The following HMGCLL1 variants were observed in gnomAD, a reference collection of about 807,000 sequenced individuals.
HMGCLL1 encodes 3-hydroxymethyl-3-methylglutaryl-CoA lyase, cytoplasmic.
Under a neutral mutation model 39.1 loss-of-function variants are expected in HMGCLL1, and 36 were observed. That is an observed-to-expected ratio of 0.92 (90% confidence interval 0.71 to 1.22). The LOEUF (loss-of-function observed/expected upper bound fraction) is 1.22. Among genes scored for constraint, HMGCLL1 ranks in the 50% most tolerant of loss-of-function variants. HMGCLL1 has a pLI of 0.00. For missense variants in HMGCLL1, 451 were observed against 416.5 expected, an observed-to-expected ratio of 1.08 and a Z score of -0.72; for synonymous variants, 149 against 144.0, an observed-to-expected ratio of 1.03 and a Z score of -0.25.
chr6:55,511,820 C>G (rs967516488), intron 5 of HMGCLL1, among the ~76,000 whole-genome samples: 1 of 152,034 alleles, frequency 6.6e-6, no homozygotes, highest in Non-Finnish European at 1.5e-5. Flanking sequence ...CTGCTGAACT[C>G]TAATACTGAA....
At chr6:55,449,037 C>T (rs1210214775) in intron 7 of HMGCLL1, among the ~76,000 whole-genome samples, 1 of 152,066 alleles carries the variant, frequency 6.6e-6, no homozygotes, top group African/African-American at 2.4e-5. Flanking sequence ...AAAGGTAGCA[C>T]CTAAAAAGGA....
the HMGCLL1 span, among the ~76,000 whole-genome samples, chr6:55,674,259 C>A: frequency 6.6e-6 from 1 of 151,784 alleles, no homozygotes; most frequent in Admixed American, 6.6e-5. Context: ...TTTTATGACT[C>A]ATTCTGGCCT....
chr6:55,650,128 TATATATACAC>T, the HMGCLL1 span, among the ~76,000 whole-genome samples: 6 of 53,700 alleles, frequency 1.1e-4, no homozygotes, highest in Admixed American at 2.2e-4. Flanking sequence ...TATATATATA[TATATATACAC>T]ACACACACAC....
chr6:55,575,452 T>C (rs1581968526), intron 1 of HMGCLL1, among the ~76,000 whole-genome samples: 3 of 152,298 alleles, frequency 2.0e-5, no homozygotes, highest in Middle Eastern at 3.4e-3. Flanking sequence ...ATCTCTAATA[T>C]GTAAGCTGAA....
chr6:55,659,186 C>T, the HMGCLL1 span, among the ~76,000 whole-genome samples: 1 of 151,844 alleles, frequency 6.6e-6, no homozygotes, highest in Non-Finnish European at 1.5e-5. Context: ...AGGTTTCCAG[C>T]TTATGCAATT....
At chr6:55,441,266 C>T (rs1581783205) in intron 7 of HMGCLL1, among the ~76,000 whole-genome samples, 1 of 152,054 alleles carries the variant, frequency 6.6e-6, no homozygotes, top group Admixed American at 6.6e-5. Flanking sequence ...CAGACATGAC[C>T]TTCGGGTTGG....
upstream of HMGCLL1, among the ~76,000 whole-genome samples, chr6:55,583,848 C>T (rs918377188): frequency 1.3e-5 from 2 of 152,234 alleles, no homozygotes; most frequent in Admixed American, 6.5e-5. Flanking sequence ...CTTGGAGTCT[C>T]ATAACGATAT....
At chr6:55,513,941 T>C in intron 5 of HMGCLL1, 107 bp downstream of exon 5, 6 of 923,572 alleles carry the variant, frequency 6.5e-6, no homozygotes, top group Non-Finnish European at 9.8e-6. Flanking sequence ...AGAAATATGA[T>C]ATTCTATGTA....
the HMGCLL1 span, among the ~76,000 whole-genome samples, chr6:55,645,323 A>G: frequency 0.012 from 1,757 of 152,056 alleles, 5 homozygotes; most frequent in Non-Finnish European, 0.016. Context: ...TTTTCCAAAT[A>G]TAAGAGAATA....
intron 5 of HMGCLL1, among the ~76,000 whole-genome samples, chr6:55,510,056 A>C (rs1027268206): frequency 6.6e-6 from 1 of 152,008 alleles, no homozygotes; most frequent in African/African-American, 2.4e-5. Context: ...TTAGTTGAAA[A>C]AAATTCAACC....
the HMGCLL1 span, among the ~76,000 whole-genome samples, chr6:55,673,176 TG>T: frequency 6.6e-6 from 1 of 151,996 alleles, no homozygotes. Context: ...ACTCTGTAGG[TG>T]AGGTGTGTCT....
At chr6:55,616,979 A>C in the HMGCLL1 span, among the ~76,000 whole-genome samples, 1 of 152,122 alleles carries the variant, frequency 6.6e-6, no homozygotes, top group East Asian at 1.9e-4. Context: ...CAATTCAAAA[A>C]ATCTGCCAGA....
chr6:55,463,770 C>T (rs184408898), intron 7 of HMGCLL1, among the ~76,000 whole-genome samples: 2 of 152,196 alleles, frequency 1.3e-5, no homozygotes, highest in Admixed American at 6.5e-5. Flanking sequence ...TTGAGCTGTC[C>T]GTTTTTCTGC....
At chr6:55,606,214 T>A in the HMGCLL1 span, among the ~76,000 whole-genome samples, 5 of 152,154 alleles carry the variant, frequency 3.3e-5, no homozygotes, top group South Asian at 4.1e-4. Context: ...GATAAAAAAA[T>A]TTGGTGAAAG....
At chr6:55,575,418 C>T (rs941938740) in intron 1 of HMGCLL1, among the ~76,000 whole-genome samples, 3 of 151,964 alleles carry the variant, frequency 2.0e-5, no homozygotes, top group Admixed American at 6.6e-5. Context: ...TAATTTAAGT[C>T]TAATAATTCA....
chr6:55,522,375 C>T (rs531295819), intron 3 of HMGCLL1, among the ~76,000 whole-genome samples: 1 of 151,798 alleles, frequency 6.6e-6, no homozygotes, highest in East Asian at 1.9e-4. Context: ...TACCTATCAC[C>T]CTTTACTTCT....
chr6:55,553,165 A>C (rs1350561097), intron 1 of HMGCLL1, among the ~76,000 whole-genome samples: 1 of 88,682 alleles, frequency 1.1e-5, no homozygotes, highest in African/African-American at 4.3e-5. Flanking sequence ...CTCTCTATAT[A>C]TATATATATA....
intron 5 of HMGCLL1, among the ~76,000 whole-genome samples, chr6:55,507,905 T>A (rs1767251918): frequency 6.6e-6 from 1 of 151,828 alleles, no homozygotes; most frequent in Non-Finnish European, 1.5e-5. Flanking sequence ...TTTCATATAG[T>A]GCTAAAACTT....
intron 7 of HMGCLL1, among the ~76,000 whole-genome samples, chr6:55,466,319 A>T (rs1764797698): frequency 6.6e-6 from 1 of 152,138 alleles, no homozygotes; most frequent in South Asian, 2.1e-4. Context: ...CAGCATCAAG[A>T]ACAAGAGCTT....
Sources: gnomAD v4.1 joint callset for allele counts (sites outside exome capture counted in the v4.1 genomes callset) on GRCh38, gnomAD v4.1.1 for gene constraint, MANE v1.5 for transcripts, NCBI Gene and HGNC (gene_info 2026-07-23, HGNC 2026-07-21) for gene names.